ROBO2: variants seen among roughly 807,000 people sequenced by gnomAD.
The protein encoded by ROBO2 is roundabout guidance receptor 2, also known as roundabout homolog 2.
In ROBO2, 53 loss-of-function variants were observed where a neutral mutation model predicts 160.8. The observed-to-expected ratio is 0.33, with a 90% CI of 0.26 to 0.41. The LOEUF is 0.41. Among genes scored for constraint, ROBO2 ranks in the 10% least tolerant of loss-of-function variants. The pLI is 1.00. For missense variants in ROBO2, 1,577 were observed against 1,722.4 expected, an observed-to-expected ratio of 0.92 and a Z score of 1.49; for synonymous variants, 664 against 611.7, an observed-to-expected ratio of 1.09 and a Z score of -1.26.
intron 2 of ROBO2, among the ~76,000 whole-genome samples, chr3:76,591,211 A>G (rs2108827044): frequency 6.6e-6 from 1 of 152,284 alleles, no homozygotes; most frequent in South Asian, 2.1e-4. Context: ...GCTAGAGAAA[A>G]GAAATTGTTA....
At chr3:77,166,889 A>G (rs1579572590) in intron 2 of ROBO2, among the ~76,000 whole-genome samples, 2 of 152,294 alleles carry the variant, frequency 1.3e-5, no homozygotes, top group South Asian at 2.1e-4. Flanking sequence ...GTCCAGGCCA[A>G]TTGTTTCATA....
At chr3:76,659,779 C>T (rs1187798874) in intron 2 of ROBO2, among the ~76,000 whole-genome samples, 2 of 152,136 alleles carry the variant, frequency 1.3e-5, no homozygotes, top group African/African-American at 4.8e-5. Context: ...AAATAAACAA[C>T]TTTACCACCA....
At position 77,062,777 on chromosome 3, in the gene ROBO2, A is replaced by C. The variant is rs114970376; in HGVS notation, c.61+21931A>C. Among the ~76,000 whole-genome samples, 955 of 152,210 alleles carry C rather than the reference A, an allele frequency of 6.3e-3. 5 individuals are homozygous for C. The highest frequency in any genetic ancestry group is 8.4e-3 in the Non-Finnish European group (573 of 68,002). On this transcript the variant is annotated intron_variant, in intron 1 of 25. Transcript: ENST00000461745. ...AGTGTTTACAGAAGCAAGACACACA[A>C]AAAAAATGCCAGTTTTGATTGATTT...
In ROBO2 at chr3:76,202,837, C is replaced by T. The variant is rs535739531; in HGVS notation, c.109+265235C>T. Among the ~76,000 whole-genome samples the T allele has an allele frequency of 2.0e-5, 3 of 151,212 alleles. No individual in the cohort carries two copies. In the South Asian group the frequency reaches 6.2e-4, roughly 31 times the overall value. On this transcript the variant is annotated intron_variant, in intron 2 of 26. Coordinates refer to the ROBO2 transcript ENST00000487694. ...TCTGGAGATGGTTGATGTCCTAGGT[C>T]ACATATTCTGCCCAAAAGTCTACCA...
At chr3:76,417,472 G>A (rs1225635451) in intron 2 of ROBO2, among the ~76,000 whole-genome samples, 1 of 152,154 alleles carries the variant, frequency 6.6e-6, no homozygotes, top group Non-Finnish European at 1.5e-5. Flanking sequence ...GAGTTAAAAG[G>A]AGAATGAACA....
At chr3:77,488,114 A>G (rs1284374246) in intron 4 of ROBO2, among the ~76,000 whole-genome samples, 1 of 152,208 alleles carries the variant, frequency 6.6e-6, no homozygotes, top group Non-Finnish European at 1.5e-5. Context: ...AGCTGTATAT[A>G]AAGTTGGATT....
At chr3:76,554,993 CT>C (rs2108403495) in intron 2 of ROBO2, among the ~76,000 whole-genome samples, 1 of 151,540 alleles carries the variant, frequency 6.6e-6, no homozygotes, top group Admixed American at 6.6e-5. Context: ...TGGTTAAAAT[CT>C]ATTTTTGTCA....
intron 2 of ROBO2, among the ~76,000 whole-genome samples, chr3:77,401,131 T>C (rs2075759191): frequency 6.6e-6 from 1 of 152,164 alleles, no homozygotes; most frequent in Admixed American, 6.6e-5. Context: ...AGAAATGTCA[T>C]GCCTTTGTTT....
intron 6 of ROBO2, among the ~76,000 whole-genome samples, chr3:77,530,775 T>C (rs1288933386): frequency 1.3e-5 from 2 of 152,016 alleles, no homozygotes; most frequent in East Asian, 3.9e-4. Flanking sequence ...AGGCATTCTT[T>C]ATATGAAAAG....
intron 1 of ROBO2, among the ~76,000 whole-genome samples, chr3:77,044,251 G>A (rs1172932209): frequency 1.3e-5 from 2 of 152,082 alleles, no homozygotes; most frequent in African/African-American, 2.4e-5. Context: ...CATGTTTGAC[G>A]ATAAAAATAT....
intron 2 of ROBO2, among the ~76,000 whole-genome samples, chr3:76,972,292 A>G (rs1465398864): frequency 1.3e-5 from 2 of 152,154 alleles, no homozygotes; most frequent in Admixed American, 6.6e-5. Flanking sequence ...CTGCCATTCA[A>G]AAATAATGTT....
chr3:76,582,806 A>C (rs77014471), intron 2 of ROBO2, among the ~76,000 whole-genome samples: 190 of 152,242 alleles, frequency 1.2e-3, no homozygotes, highest in African/African-American at 4.3e-3. Flanking sequence ...TAATCTCATT[A>C]AGCCACTTCA....
chr3:76,488,897 G>A (rs938559863), intron 2 of ROBO2, among the ~76,000 whole-genome samples: 1 of 151,808 alleles, frequency 6.6e-6, no homozygotes, highest in African/African-American at 2.4e-5. Context: ...CTAGAAGGAC[G>A]ATTTTGTGGT....
rs527606734 is a variant in ROBO2, at chr3:76,621,051, G to C, written c.110-476963G>C. On this transcript the variant is annotated intron_variant, in intron 2 of 26. Coordinates refer to the ROBO2 transcript ENST00000487694. ...CCTTGAAAGGTCACTGAGAGGGGAA[G>C]GGGACATACAAAAGTTTTAATACTC... 3.9e-5 allele frequency among the ~76,000 whole-genome samples: 6 copies of C among 152,106 alleles called. No homozygotes were observed. The East Asian group carries it at 1.2e-3, about 29-fold the overall frequency.
chr3:76,278,835 G>A (rs926552444), intron 2 of ROBO2, among the ~76,000 whole-genome samples: 2 of 151,790 alleles, frequency 1.3e-5, no homozygotes, highest in Admixed American at 6.6e-5. Context: ...GAATGTGAAC[G>A]CCACTAGTCC....
At chr3:76,368,390 A>AG (rs1553723527) in intron 2 of ROBO2, among the ~76,000 whole-genome samples, 1 of 151,764 alleles carries the variant, frequency 6.6e-6, no homozygotes, top group Non-Finnish European at 1.5e-5. Flanking sequence ...CAGCTGGGTG[A>AG]TTTTTTTTAC....
chr3:76,969,068 TG>T (rs1426262647), intron 2 of ROBO2, among the ~76,000 whole-genome samples: 1 of 152,160 alleles, frequency 6.6e-6, no homozygotes, highest in African/African-American at 2.4e-5. Flanking sequence ...AATAAAGACT[TG>T]GAGTAAGTGA....
At position 76,957,152 on chromosome 3, in the gene ROBO2, T is replaced by C. The variant is rs145556820; in HGVS notation, c.110-140862T>C. The stretch of plus-strand genomic sequence containing the variant: ...TTGCTGTGTTCTTTTTGTTTGTTTC[T>C]AGTACCAAAATAATAATTTATTTCT... On this transcript the variant is annotated intron_variant, in intron 2 of 26. Coordinates refer to the ROBO2 transcript ENST00000487694. Among the ~76,000 whole-genome samples, 420 of 152,242 alleles carry C rather than the reference T, an allele frequency of 2.8e-3. 14 individuals carry two copies. The highest frequency in any genetic ancestry group is 0.014 in the Middle Eastern group (4 of 294).
intron 2 of ROBO2, among the ~76,000 whole-genome samples, chr3:75,954,285 C>A (rs765062894): frequency 6.6e-5 from 10 of 151,852 alleles, no homozygotes; most frequent in Non-Finnish European, 1.0e-4. Context: ...ACACTTGATA[C>A]AGCTATAAGG....
Sources: allele counts gnomAD v4.1 joint callset (sites outside exome capture counted in the v4.1 genomes callset), GRCh38; gene constraint gnomAD v4.1.1; transcripts MANE v1.5; gene names NCBI Gene and HGNC (gene_info 2026-07-23, HGNC 2026-07-21).